The following MCF2L variants were observed in gnomAD, a reference collection of about 807,000 sequenced individuals.
MCF2L encodes guanine nucleotide exchange factor DBS.
In MCF2L, 97 loss-of-function variants were observed where a neutral mutation model predicts 153.4. That is an observed-to-expected ratio of 0.63 (90% confidence interval 0.54 to 0.75). The LOEUF is 0.75. Ranked by LOEUF, MCF2L falls within the 30% of genes least tolerant of loss-of-function variation. MCF2L has a pLI of 0.00. For missense variants in MCF2L, 1,347 were observed against 1,495.2 expected (o/e 0.90, Z 1.64); for synonymous variants, 659 against 632.2 (o/e 1.04, Z -0.64).
rs576443147 is a variant in MCF2L, at chr13:113,065,157, C to A, written c.756+72C>A. 3 of 1,551,936 alleles carry A rather than the reference C, an allele frequency of 1.9e-6. No homozygotes were observed. In the South Asian group the frequency reaches 3.5e-5, roughly 18 times the overall value. ...GTCAGAAGCTGCGCGGGGCTCCGGTCGGAAGCTGCGGGGGGTCTTTCGTCC... is the reference window on the plus strand; with the variant it reads ...GTCAGAAGCTGCGCGGGGCTCCGGTAGGAAGCTGCGGGGGGTCTTTCGTCC... On this transcript the variant is annotated intron_variant, in intron 7 of 29. Coordinates refer to ENST00000535094, the MANE Select transcript of MCF2L (RefSeq NM_001112732.3).
chr13:112,960,848 G>A lies in MCF2L; in HGVS notation c.170-53915G>A, dbSNP rs551009024. Among the ~76,000 whole-genome samples, 26 of 152,004 alleles carry A rather than the reference G, an allele frequency of 1.7e-4. No homozygotes were observed. Among genetic ancestry groups the A allele is most frequent in the Non-Finnish European group, 3.2e-4 (22 of 67,972 alleles). ...TGCCTGAGCCTCCTGCTGCCCTGCT[G>A]GAAGGACCCTGGGATGACCCTGGAT... On this transcript the variant is annotated intron_variant, in intron 2 of 29. Transcript: ENST00000375608. This position sits in a 1 kb window ranked among gnomAD's most constrained non-coding sequence, Gnocchi z 4.2.
In MCF2L at chr13:113,046,587, T is replaced by C. The variant is rs929103420; in HGVS notation, c.369+1226T>C. The C allele has an allele frequency of 1.9e-6, 1 of 533,226 alleles. No individual in the cohort carries two copies. The highest frequency in any genetic ancestry group is 3.8e-6 in the Non-Finnish European group (1 of 259,918). The allele number at this position is 533,226 out of a possible 1,614,324, so 33.0% of individuals were successfully genotyped here. On this transcript the variant is annotated intron_variant, in intron 4 of 29. Transcript: ENST00000535094. This position sits in a 1 kb window ranked among gnomAD's most constrained non-coding sequence, Gnocchi z 4.4. Reference sequence around the variant, plus strand: ...CCCCGCACATTGCCTCATTCCTTCATCTTTTACAAGAATTAGAGGCCCCAT... The same window carrying C: ...CCCCGCACATTGCCTCATTCCTTCACCTTTTACAAGAATTAGAGGCCCCAT...
chr13:112,912,663 TTTTA>T (rs1433127530), intron 2 of MCF2L, among the ~76,000 whole-genome samples: 1 of 152,362 alleles, frequency 6.6e-6, no homozygotes, highest in African/African-American at 2.4e-5. Flanking sequence ...GTCATTTCTT[TTTTA>T]TTTATTTGCT....
chr13:113,047,536 A>G (rs1375887996), intron 4 of MCF2L, among the ~76,000 whole-genome samples: 3 of 152,252 alleles, frequency 2.0e-5, no homozygotes, highest in Non-Finnish European at 4.4e-5. Context: ...CGTTTAAACA[A>G]CAGACAACAC....
chr13:113,090,236 CT>C (rs1330541330), intron 26 of MCF2L: 11 of 1,419,564 alleles, frequency 7.7e-6, no homozygotes, highest in Non-Finnish European at 8.5e-6. Context: ...CCATTCGTGC[CT>C]CCTTCGTCAC....
At chr13:113,082,998 G>A (rs1408985144) in intron 17 of MCF2L, among the ~76,000 whole-genome samples, 1 of 152,200 alleles carries the variant, frequency 6.6e-6, no homozygotes, top group Non-Finnish European at 1.5e-5. Context: ...GGCAAACTAG[G>A]CGTTCCTTAC....
At chr13:112,939,273 G>C (rs1213007474) in intron 2 of MCF2L, among the ~76,000 whole-genome samples, 1 of 152,122 alleles carries the variant, frequency 6.6e-6, no homozygotes, top group East Asian at 1.9e-4. Flanking sequence ...CCTCCACGTC[G>C]TGGACATCTG....
intron 2 of MCF2L, chr13:112,916,967 A>G: frequency 2.3e-6 from 1 of 432,012 alleles, no homozygotes; most frequent in Admixed American, 2.4e-5. Flanking sequence ...CTCTCCCCAC[A>G]CTGGTCTGTG....
In MCF2L at chr13:113,064,732, G is replaced by C; in HGVS notation, c.607-204G>C. On this transcript the variant is annotated intron_variant, in intron 6 of 29. Transcript: ENST00000535094. This position sits in a 1 kb window ranked among gnomAD's most constrained non-coding sequence, Gnocchi z 6.0. ...CAGGCACAGGCGACTCTAGGTGACG[G>C]GCACACGTGTAGAGTGTGCCTGGTA... 1 of 616,022 alleles carries C rather than the reference G, an allele frequency of 1.6e-6. No individual in the cohort carries two copies. Among genetic ancestry groups the C allele is most frequent in the South Asian group, 2.1e-5 (1 of 48,430 alleles). The allele number at this position is 616,022 out of a possible 1,614,324, so 38.2% of individuals were successfully genotyped here. A position where few individuals can be genotyped will look rare whatever the true frequency, so the allele number is the denominator to read the frequency against.
At chr13:113,081,105 C>T (rs1440335204) in intron 15 of MCF2L, 108 bp from the exon 16 acceptor site, 4 of 952,986 alleles carry the variant, frequency 4.2e-6, no homozygotes, top group Non-Finnish European at 6.1e-6. Flanking sequence ...CCAGTCCCCT[C>T]CTGCTGGGCA....
intron 2 of MCF2L, chr13:112,917,574 A>G (rs767265220): frequency 1.1e-5 from 2 of 187,340 alleles, no homozygotes; most frequent in African/African-American, 2.3e-5. Flanking sequence ...CAGGGTAAAC[A>G]CAGCCCCCTC....
At chr13:112,946,431 C>T (rs1372215662) in intron 2 of MCF2L, among the ~76,000 whole-genome samples, 2 of 152,114 alleles carry the variant, frequency 1.3e-5, no homozygotes, top group Non-Finnish European at 2.9e-5. Context: ...AAGTACATGC[C>T]TTACTATAGG....
chr13:113,003,712 C>T (rs986267738), intron 1 of MCF2L, among the ~76,000 whole-genome samples: 2 of 152,188 alleles, frequency 1.3e-5, no homozygotes, highest in East Asian at 1.9e-4. Flanking sequence ...TAGTGTCTCA[C>T]GTCCTCTTAG....
At chr13:113,051,787 G>A (rs1266219057) in intron 4 of MCF2L, among the ~76,000 whole-genome samples, 2 of 152,182 alleles carry the variant, frequency 1.3e-5, no homozygotes, top group Non-Finnish European at 2.9e-5. Flanking sequence ...CTGAGGCGAC[G>A]CGGGACCTCA....
intron 2 of MCF2L, chr13:112,910,209 A>G (rs1275293805): frequency 6.6e-6 from 1 of 152,242 alleles, no homozygotes; most frequent in Non-Finnish European, 1.5e-5. Flanking sequence ...TTATGGCCAA[A>G]AATTCCAAGC....
intron 1 of MCF2L, among the ~76,000 whole-genome samples, chr13:112,995,719 A>G (rs968568082): frequency 4.6e-5 from 7 of 152,138 alleles, no homozygotes; most frequent in Admixed American, 2.6e-4. Context: ...CCCTCCTTCC[A>G]CAGGAACGGG....
chr13:113,034,641 G>A (rs542051360), intron 3 of MCF2L, among the ~76,000 whole-genome samples: 23 of 150,330 alleles, frequency 1.5e-4, no homozygotes, highest in South Asian at 1.5e-3. Context: ...TCTCACCCAC[G>A]CCCTCGCCCT....
chr13:112,987,109 T>G (rs114053966), intron 1 of MCF2L, among the ~76,000 whole-genome samples: 2,339 of 151,998 alleles, frequency 0.015, 64 homozygotes, highest in African/African-American at 0.054. Context: ...GTGAACTCAC[T>G]CAGTGGAGCT....
At chr13:113,096,701 G>A (rs752136999) in intron 29 of MCF2L, 48 bp downstream of exon 29, 6 of 1,555,704 alleles carry the variant, frequency 3.9e-6, no homozygotes, top group Admixed American at 3.7e-5. Flanking sequence ...CCAAGGGCCC[G>A]GGCGAGGAAG....
Sources: gnomAD v4.1 joint callset for allele counts (sites outside exome capture counted in the v4.1 genomes callset) on GRCh38, gnomAD v4.1.1 for gene constraint, Gnocchi (gnomAD v3.1) non-coding constraint, MANE v1.5 for transcripts, NCBI Gene and HGNC (gene_info 2026-07-23, HGNC 2026-07-21) for gene names.